The following ERBB4 variants were observed in gnomAD, a reference collection of about 807,000 sequenced individuals.
ERBB4 encodes the protein receptor tyrosine-protein kinase erbB-4.
Under a neutral mutation model 158.0 loss-of-function variants are expected in ERBB4, and 42 were observed. That is an observed-to-expected ratio of 0.27 (90% CI 0.21 to 0.34). The LOEUF (loss-of-function observed/expected upper bound fraction) is 0.34. Ranked by LOEUF, ERBB4 falls within the 10% of genes least tolerant of loss-of-function variation. The pLI is 1.00. For missense variants in ERBB4, 1,333 were observed against 1,624.1 expected (o/e 0.82, Z 3.08); for synonymous variants, 583 against 558.7 (o/e 1.04, Z -0.61).
intron 19 of ERBB4, among the ~76,000 whole-genome samples, chr2:211,579,330 A>C: frequency 6.6e-6 from 1 of 152,188 alleles, no homozygotes. Context: ...AGATATAGGA[A>C]CACTTTTACA....
intron 1 of ERBB4, among the ~76,000 whole-genome samples, chr2:212,322,136 T>C (rs2106267676): frequency 6.6e-6 from 1 of 150,606 alleles, no homozygotes; most frequent in South Asian, 2.1e-4. Context: ...AATGCTGAAA[T>C]ATAACCCTAA....
intron 5 of ERBB4, among the ~76,000 whole-genome samples, chr2:211,745,715 G>GAAAAAAAAAAAAAAAAAAAAA: frequency 1.1e-5 from 1 of 94,470 alleles, no homozygotes; most frequent in South Asian, 3.5e-4. Flanking sequence ...TCCACCGCCA[G>GAAAAAAAAAAAAAAAAAAAAA]AAAAAAAACA....
chr2:211,630,312 C>A, intron 17 of ERBB4, 150 bp downstream of exon 17: 1 of 909,304 alleles, frequency 1.1e-6, no homozygotes, highest in Non-Finnish European at 1.7e-6. Flanking sequence ...TCTGATTTTT[C>A]ACAAGCTTTG....
At chr2:211,493,050 C>T (rs953821743) in intron 20 of ERBB4, among the ~76,000 whole-genome samples, 4 of 152,040 alleles carry the variant, frequency 2.6e-5, no homozygotes, top group East Asian at 1.9e-4. Context: ...TTTAAGTTGG[C>T]CCAGAGAGAT....
chr2:212,318,018 T>C (rs190996736), intron 1 of ERBB4, among the ~76,000 whole-genome samples: 1 of 151,784 alleles, frequency 6.6e-6, no homozygotes, highest in East Asian at 2.0e-4. Flanking sequence ...AGGCAAACTT[T>C]CATTGAATAC....
chr2:211,882,916 C>A (rs986388075), intron 3 of ERBB4, among the ~76,000 whole-genome samples: 3 of 152,136 alleles, frequency 2.0e-5, no homozygotes, highest in Non-Finnish European at 4.4e-5. Context: ...GTTCTAATAT[C>A]TACTGATCAG....
At chr2:211,812,206 G>C (rs62184490) in intron 3 of ERBB4, among the ~76,000 whole-genome samples, 2 of 152,166 alleles carry the variant, frequency 1.3e-5, no homozygotes, top group South Asian at 4.1e-4. Context: ...TACAGATGGG[G>C]TTTTGGTGTG....
chr2:211,472,510 G>A (rs911444007), intron 20 of ERBB4, among the ~76,000 whole-genome samples: 1 of 151,068 alleles, frequency 6.6e-6, no homozygotes, highest in Non-Finnish European at 1.5e-5. Flanking sequence ...ATGTACTAAT[G>A]ATAAGATCCT....
intron 20 of ERBB4, among the ~76,000 whole-genome samples, chr2:211,462,302 A>G (rs2064556675): frequency 6.6e-6 from 1 of 152,024 alleles, no homozygotes; most frequent in Admixed American, 6.6e-5. Context: ...TGATCCAATC[A>G]CTTCCCACCA....
At chr2:211,772,247 C>T (rs1278425021) in intron 4 of ERBB4, among the ~76,000 whole-genome samples, 1 of 151,856 alleles carries the variant, frequency 6.6e-6, no homozygotes, top group African/African-American at 2.4e-5. Flanking sequence ...GGCTTTTTTC[C>T]CCTATTTTTG....
At chr2:211,986,430 T>C (rs2081939868) in intron 2 of ERBB4, among the ~76,000 whole-genome samples, 2 of 152,244 alleles carry the variant, frequency 1.3e-5, no homozygotes, top group African/African-American at 4.8e-5. Flanking sequence ...GAACTCGTAT[T>C]AGAATCTGTT....
intron 5 of ERBB4, among the ~76,000 whole-genome samples, chr2:211,730,906 C>A (rs948563918): frequency 6.6e-6 from 1 of 152,030 alleles, no homozygotes; most frequent in Non-Finnish European, 1.5e-5. Flanking sequence ...AATTTTAAGT[C>A]ATTTACACCA....
chr2:211,985,261 G>C (rs1006621028), intron 2 of ERBB4, among the ~76,000 whole-genome samples: 2 of 151,618 alleles, frequency 1.3e-5, no homozygotes, highest in Non-Finnish European at 2.9e-5. Context: ...AGACTGAAGA[G>C]GGAAGTAAAG....
At chr2:212,285,887 C>A (rs2085942695) in intron 1 of ERBB4, among the ~76,000 whole-genome samples, 1 of 152,064 alleles carries the variant, frequency 6.6e-6, no homozygotes, top group African/African-American at 2.4e-5. Context: ...AAACAAATTT[C>A]TTGGATGATA....
At chr2:211,913,968 G>C (rs569262961) in intron 3 of ERBB4, among the ~76,000 whole-genome samples, 1 of 136,066 alleles carries the variant, frequency 7.3e-6, no homozygotes, top group Admixed American at 7.8e-5. Context: ...AATAAGTGGA[G>C]AAAATAAAGG....
chr2:212,233,137 C>A (rs1351771565), intron 1 of ERBB4, among the ~76,000 whole-genome samples: 1 of 152,112 alleles, frequency 6.6e-6, no homozygotes, highest in African/African-American at 2.4e-5. Flanking sequence ...TTTTTGAGAT[C>A]CACTTTTAAG....
chr2:211,998,046 C>T (rs898099772), intron 2 of ERBB4, among the ~76,000 whole-genome samples: 4 of 151,468 alleles, frequency 2.6e-5, no homozygotes, highest in African/African-American at 9.7e-5. Flanking sequence ...GTGATGTTCC[C>T]AGGGGAGGGA....
At chr2:212,168,072 A>T (rs1364565650) in intron 1 of ERBB4, among the ~76,000 whole-genome samples, 5 of 48,592 alleles carry the variant, frequency 1.0e-4, no homozygotes, top group Admixed American at 2.3e-4. Flanking sequence ...TAAAATTAAA[A>T]AAAAAAAAAA....
chr2:211,922,897 G>T (rs761787235), intron 3 of ERBB4, among the ~76,000 whole-genome samples: 1 of 152,088 alleles, frequency 6.6e-6, no homozygotes, highest in Admixed American at 6.6e-5. Context: ...TATATTCTGG[G>T]AATGAAAGAG....
Sources: gnomAD v4.1 joint callset for allele counts (sites outside exome capture counted in the v4.1 genomes callset) on GRCh38, gnomAD v4.1.1 for gene constraint, MANE v1.5 for transcripts, NCBI Gene and HGNC (gene_info 2026-07-23, HGNC 2026-07-21) for gene names.